The following TANC1 variants were observed in gnomAD, a reference collection of about 807,000 sequenced individuals.
TANC1 encodes the protein tetratricopeptide repeat, ankyrin repeat and coiled-coil containing 1, also known as protein TANC1.
Under a neutral mutation model 149.7 loss-of-function variants are expected in TANC1, and 77 were observed. The ratio of observed to expected loss-of-function variants is 0.51; its 90% CI spans 0.43 to 0.62. TANC1 has a LOEUF of 0.62. TANC1 is among the 20% of genes least tolerant of loss of function. The pLI is 0.00. For synonymous variants in TANC1, 854 were observed against 925.0 expected (o/e 0.92, Z 1.39); for missense variants, 1,985 against 2,321.8 (o/e 0.85, Z 2.98).
chr2:159,216,896 T>C (rs934748674), intron 19 of TANC1, among the ~76,000 whole-genome samples: 1 of 152,242 alleles, frequency 6.6e-6, no homozygotes, highest in South Asian at 2.1e-4. Context: ...TGAAATTTTA[T>C]GATTTTAGGG....
chr2:159,049,403 G>A (rs1042627707), intron 2 of TANC1, among the ~76,000 whole-genome samples: 12 of 152,120 alleles, frequency 7.9e-5, no homozygotes, highest in African/African-American at 2.9e-4. Flanking sequence ...TGTAAGTGTT[G>A]TAGAAAGGGA....
chr2:159,024,675 C>T (rs1193616617), intron 2 of TANC1, among the ~76,000 whole-genome samples: 1 of 151,472 alleles, frequency 6.6e-6, no homozygotes, highest in Non-Finnish European at 1.5e-5. Context: ...CGCTTGAATC[C>T]GGGAGGCAGA....
chr2:159,079,006 G>A lies in TANC1; in HGVS notation c.61+13035G>A, dbSNP rs1039856108. ...TTAAACCTATGGTATACCTGCTTTT[G>A]GGAAATGCCCATTAAGCAAGGAACA... On this transcript the variant is annotated intron_variant, in intron 3 of 26. Transcript: ENST00000263635. 7.9e-5 allele frequency among the ~76,000 whole-genome samples: 12 copies of A among 151,936 alleles called. 1 individual carries two copies. Among genetic ancestry groups the A allele is most frequent in the Admixed American group, 6.6e-4 (10 of 15,266 alleles).
chr2:159,182,762 G>A (rs1039323467), intron 14 of TANC1, among the ~76,000 whole-genome samples: 2 of 152,130 alleles, frequency 1.3e-5, no homozygotes, highest in Admixed American at 6.5e-5. Flanking sequence ...CTCAGGAGGC[G>A]CATGACATTG....
At chr2:159,202,833 C>A (rs939856799) in intron 19 of TANC1, among the ~76,000 whole-genome samples, 1 of 152,154 alleles carries the variant, frequency 6.6e-6, no homozygotes, top group Non-Finnish European at 1.5e-5. Context: ...ACAGCTGTGA[C>A]AACTCCATGC....
intron 1 of TANC1, among the ~76,000 whole-genome samples, chr2:158,976,752 A>G (rs1559090582): frequency 6.6e-6 from 1 of 152,132 alleles, no homozygotes; most frequent in Non-Finnish European, 1.5e-5. Flanking sequence ...GTGGTAGTGT[A>G]CACCTGTAAT....
At chr2:159,065,550 T>C (rs574805181) in intron 2 of TANC1, among the ~76,000 whole-genome samples, 14 of 152,334 alleles carry the variant, frequency 9.2e-5, no homozygotes, top group African/African-American at 2.9e-4. Context: ...TGAACTGGGA[T>C]TGGGAAACTG....
intron 4 of TANC1, among the ~76,000 whole-genome samples, chr2:159,111,636 G>A (rs568991708): frequency 1.6e-4 from 25 of 152,314 alleles, no homozygotes; most frequent in Middle Eastern, 3.4e-3. Context: ...GGAGGGGCAC[G>A]TGGGGCTGAG....
At chr2:159,185,979 T>C (rs1216600441) in intron 15 of TANC1, 80 bp downstream of exon 15, 1 of 1,086,244 alleles carries the variant, frequency 9.2e-7, no homozygotes, top group East Asian at 2.5e-5. Flanking sequence ...GACAGCTCTG[T>C]CAGCCATCCA....
rs201830659 is a variant in TANC1 at position 159,196,759 on chromosome 2, C to T, written c.3131C>T (p.Ala1044Val). The T allele has an allele frequency of 1.4e-5, 23 of 1,612,956 alleles. No individual in the cohort carries two copies. The highest frequency in any genetic ancestry group is 1.1e-5 in the South Asian group (1 of 91,006). ...TLRKSHALQQ[A>V]LTAAASMGHS... ...AGGAAGAGCCACGCCCTGCAGCAGG[C>T]GCTGACCGCGGCGGCCAGCATGGGC... The change falls in exon 18 of 27, where the codon GCG becomes GTG. Residue 1044 changes from alanine (A) to valine (V), a missense_variant. This residue lies in a region of TANC1 where 508 missense variants were observed against 714.2 expected (regional missense o/e 0.71). Coordinates refer to ENST00000263635, the MANE Select transcript of TANC1 (RefSeq NM_033394.3).
intron 8 of TANC1, among the ~76,000 whole-genome samples, chr2:159,163,877 A>G (rs1575045110): frequency 6.6e-6 from 1 of 152,174 alleles, no homozygotes; most frequent in African/African-American, 2.4e-5. Flanking sequence ...ACCTCCTGGT[A>G]AATGGGAATT....
chr2:159,131,890 T>G (rs2050147384), intron 4 of TANC1, among the ~76,000 whole-genome samples: 1 of 152,232 alleles, frequency 6.6e-6, no homozygotes, highest in South Asian at 2.1e-4. Flanking sequence ...CACTTAATAT[T>G]TCCTCTAGTA....
intron 2 of TANC1, among the ~76,000 whole-genome samples, chr2:159,019,653 GTTTTTTTTTTTTTTTT>G (rs55746240): frequency 1.1e-4 from 8 of 73,308 alleles, no homozygotes; most frequent in East Asian, 3.3e-4. Context: ...CTTTCTTTCT[GTTTTTTTTTTTTTTTT>G]TTTTTTTTTT....
At chr2:159,126,046 A>G (rs542240139) in intron 4 of TANC1, among the ~76,000 whole-genome samples, 81 of 152,102 alleles carry the variant, frequency 5.3e-4, no homozygotes, top group Middle Eastern at 3.4e-3. Flanking sequence ...GCCTTTTCTC[A>G]CTTCTGCTTT....
In TANC1 at chr2:159,077,390, T is replaced by G. The variant is rs558491513; in HGVS notation, c.61+11419T>G. Among the ~76,000 whole-genome samples the G allele has an allele frequency of 6.6e-5, 10 of 152,310 alleles. 1 individual carries two copies. The South Asian group carries it at 2.1e-3, about 32-fold the overall frequency. On this transcript the variant is annotated intron_variant, in intron 3 of 26. Coordinates refer to ENST00000263635, the MANE Select transcript of TANC1 (RefSeq NM_033394.3). Reference sequence around the variant, plus strand: ...TACACAATTATAAAAACAAAACCTATATGATGGTATTAAAACAGACACTAT... The same window carrying G: ...TACACAATTATAAAAACAAAACCTAGATGATGGTATTAAAACAGACACTAT...
intron 7 of TANC1, among the ~76,000 whole-genome samples, chr2:159,161,247 T>A (rs2054018340): frequency 6.6e-6 from 1 of 152,242 alleles, no homozygotes; most frequent in Non-Finnish European, 1.5e-5. Context: ...GAGAGCACTT[T>A]GACTTTTGGT....
chr2:159,087,476 T>G lies in TANC1; in HGVS notation c.62-10161T>G, dbSNP rs1049178598. ...CTTTTTTTGTTTTTCCGTTTTTTTT[T>G]TTTTTTGTCGTTGTTTGTTGTTTGT... On this transcript the variant is annotated intron_variant, in intron 3 of 26. Coordinates refer to ENST00000263635, the MANE Select transcript of TANC1 (RefSeq NM_033394.3). Among the ~76,000 whole-genome samples the G allele has an allele frequency of 5.1e-4, 78 of 151,760 alleles. 1 individual carries two copies. The highest frequency in any genetic ancestry group is 1.7e-3 in the African/African-American group (71 of 41,420).
chr2:158,980,774 CAA>C (rs200444006), intron 1 of TANC1, among the ~76,000 whole-genome samples: 23 of 109,702 alleles, frequency 2.1e-4, no homozygotes, highest in Admixed American at 2.8e-4. Flanking sequence ...GACTCCATCT[CAA>C]AAAAAAAAAA....
intron 19 of TANC1, among the ~76,000 whole-genome samples, chr2:159,211,331 C>T (rs1298759705): frequency 1.3e-5 from 2 of 152,224 alleles, no homozygotes; most frequent in East Asian, 3.8e-4. Context: ...CAATTTGAGT[C>T]CTAAAAAGTG....
Sources: gnomAD v4.1 joint callset for allele counts (sites outside exome capture counted in the v4.1 genomes callset) on GRCh38, gnomAD v4.1.1 for gene constraint, gnomAD v4.1.1 regional missense constraint, MANE v1.5 for transcripts, NCBI Gene and HGNC (gene_info 2026-07-23, HGNC 2026-07-21) for gene names.